UAP1: variants seen among roughly 807,000 people sequenced by gnomAD.
The protein encoded by UAP1 is UDP-N-acetylhexosamine pyrophosphorylase.
UAP1 carries 25 observed loss-of-function variants against 58.5 expected under a neutral mutation model. The observed-to-expected ratio is 0.43, with a 90% CI of 0.31 to 0.60. The LOEUF (loss-of-function observed/expected upper bound fraction) is 0.60. Among genes scored for constraint, UAP1 ranks in the 20% least tolerant of loss-of-function variants. The pLI is 0.11. For missense variants in UAP1, 575 were observed against 630.0 expected (o/e 0.91, Z 0.93); for synonymous variants, 208 against 213.0 (o/e 0.98, Z 0.21).
intron 6 of UAP1, among the ~76,000 whole-genome samples, chr1:162,588,257 C>T (rs1487773578): frequency 6.6e-6 from 1 of 152,156 alleles, no homozygotes; most frequent in Non-Finnish European, 1.5e-5. Context: ...CTATCGATTT[C>T]ACTTAGCTTT....
In UAP1 at chr1:162,567,623, C is replaced by T. The variant is rs531424093; in HGVS notation, c.280+1275C>T. 7.9e-5 allele frequency among the ~76,000 whole-genome samples: 12 copies of T among 152,242 alleles called. No individual in the cohort carries two copies. The South Asian group carries it at 2.3e-3, about 29-fold the overall frequency. ...GTACGTGATCCTTGTCAAATCTGGGCCTCATTTTCTCAACTGTGAATGAGA... is the reference window on the plus strand; with the variant it reads ...GTACGTGATCCTTGTCAAATCTGGGTCTCATTTTCTCAACTGTGAATGAGA... On this transcript the variant is annotated intron_variant, in intron 2 of 10. Coordinates refer to ENST00000271469, the Ensembl canonical transcript of UAP1.
intron 2 of UAP1, among the ~76,000 whole-genome samples, chr1:162,576,256 G>A (rs1204200782): frequency 6.6e-6 from 1 of 152,090 alleles, no homozygotes; most frequent in African/African-American, 2.4e-5. Flanking sequence ...ATTTGATAGT[G>A]TCATCATTCA....
intron 5 of UAP1, among the ~76,000 whole-genome samples, chr1:162,582,218 G>A (rs1188931242): frequency 1.3e-5 from 2 of 152,122 alleles, no homozygotes; most frequent in African/African-American, 4.8e-5. Context: ...TGTAATAAAA[G>A]CCCAGTCAAA....
chr1:162,599,991 T>A (rs1405518484), downstream of UAP1: 1 of 152,220 alleles, frequency 6.6e-6, no homozygotes, highest in Non-Finnish European at 1.5e-5. Context: ...CTTTATCTTC[T>A]TATCACTTTA....
intron 4 of UAP1, 39 bp from the exon 5 acceptor site, chr1:162,581,248 G>C (rs1654567596): frequency 6.4e-7 from 1 of 1,564,842 alleles, no homozygotes. Context: ...CTTTATGATG[G>C]ATTTTGATAT....
chr1:162,592,846 G>T, intron 9 of UAP1, 64 bp downstream of exon 9: 1 of 1,420,234 alleles, frequency 7.0e-7, no homozygotes, highest in Non-Finnish European at 9.7e-7. Flanking sequence ...ATACTAACTG[G>T]CATCGTAGTT....
intron 2 of UAP1, among the ~76,000 whole-genome samples, chr1:162,571,070 A>C (rs1653829338): frequency 6.6e-6 from 1 of 151,222 alleles, no homozygotes; most frequent in Non-Finnish European, 1.5e-5. Flanking sequence ...CTCCAGCCCT[A>C]GAAATGTGTC....
At chr1:162,588,316 A>G (rs1430984906) in intron 6 of UAP1, among the ~76,000 whole-genome samples, 1 of 152,216 alleles carries the variant, frequency 6.6e-6, no homozygotes, top group Non-Finnish European at 1.5e-5. Flanking sequence ...AATATGCATT[A>G]CTTTAGAATA....
intron 1 of UAP1, among the ~76,000 whole-genome samples, chr1:162,564,613 G>C (rs1040568303): frequency 6.6e-6 from 1 of 151,972 alleles, no homozygotes; most frequent in Non-Finnish European, 1.5e-5. Flanking sequence ...CCTGCTTCTA[G>C]TTGTCCCTCC....
chr1:162,584,432 G>A (rs1214851956), intron 5 of UAP1, among the ~76,000 whole-genome samples: 2 of 152,118 alleles, frequency 1.3e-5, no homozygotes, highest in African/African-American at 4.8e-5. Flanking sequence ...CCTAAGTTAG[G>A]GGATGATTCA....
chr1:162,567,148 C>G lies in UAP1; in HGVS notation c.280+800C>G, dbSNP rs559245295. On this transcript the variant is annotated intron_variant, in intron 2 of 10. Transcript: ENST00000271469. ...CTTGCAGTTGTGCAGTGCAGTAGTT[C>G]TGCCAGTTGGGGAACTTACACTCAT... Among the ~76,000 whole-genome samples, 6 of 152,298 alleles carry G rather than the reference C, an allele frequency of 3.9e-5. No homozygotes were observed. In the South Asian group the frequency reaches 1.2e-3, roughly 32 times the overall value.
chr1:162,578,868 T>C (rs1405959616), intron 3 of UAP1, among the ~76,000 whole-genome samples: 1 of 152,216 alleles, frequency 6.6e-6, no homozygotes, highest in Non-Finnish European at 1.5e-5. Context: ...TACATTCTAG[T>C]AAGGGCAAAA....
rs770815365 is a variant in UAP1, at chr1:162,599,322, G to A, written c.1528G>A (p.Asp510Asn). ...AGAATTCCATGCACCTCTAATCATC[G>A]ATGAGAATGGAGTTCATGAGCTGGT... is the stretch of plus-strand genomic sequence containing the variant. Residue 510 changes from aspartate (D) to asparagine (N), a missense_variant, in exon 11 of 11, where the codon GAT (aspartate) becomes AAT (asparagine). Physicochemically the swap from Asp to Asn is conservative, Grantham distance 23 (BLOSUM62 1). Coordinates refer to ENST00000271469, the Ensembl canonical transcript of UAP1. 5.6e-6 allele frequency: 9 copies of A among 1,612,122 alleles called. No homozygotes were observed. Among genetic ancestry groups the A allele is most frequent in the African/African-American group, 2.7e-5 (2 of 74,838 alleles).
Position 162,581,219 on chromosome 1 carries a change from G to GAAACAC in UAP1, c.662-63_662-62insCAAACA. On this transcript the variant is annotated intron_variant, in intron 4 of 10. Coordinates refer to ENST00000271469, the Ensembl canonical transcript of UAP1. ...TTTTAGGGATCTTAACCCTAGTTTG[G>GAAACAC]AAACAATCTTTGTGTTACCTTTATG... 3.4e-6 allele frequency: 5 copies of GAAACAC among 1,488,624 alleles called. No individual in the cohort carries two copies. In the South Asian group the frequency reaches 7.1e-5, roughly 21 times the overall value. 92.2% of individuals were successfully genotyped at this position (1,488,624 alleles called of 1,614,324 possible). A position where few individuals can be genotyped will look rare whatever the true frequency, so the allele number is the denominator to read the frequency against.
chr1:162,570,167 C>G (rs1293578459), intron 2 of UAP1, among the ~76,000 whole-genome samples: 5 of 150,692 alleles, frequency 3.3e-5, no homozygotes, highest in Non-Finnish European at 5.9e-5. Context: ...AAAAAAAATA[C>G]TTATTTTAGA....
At chr1:162,562,769 C>A (rs553981479) in intron 1 of UAP1, among the ~76,000 whole-genome samples, 1 of 152,200 alleles carries the variant, frequency 6.6e-6, no homozygotes, top group South Asian at 2.1e-4. Flanking sequence ...GGCTGTGCTG[C>A]CAAGCATTTA....
chr1:162,570,811 A>G (rs1241223897), intron 2 of UAP1, among the ~76,000 whole-genome samples: 2 of 152,052 alleles, frequency 1.3e-5, no homozygotes, highest in African/African-American at 4.8e-5. Context: ...TGTTTACCCA[A>G]CTCCACTCAT....
chr1:162,598,501 A>T (rs1387277871), intron 10 of UAP1, among the ~76,000 whole-genome samples: 1 of 152,220 alleles, frequency 6.6e-6, no homozygotes, highest in African/African-American at 2.4e-5. Flanking sequence ...GCTTTTGAAA[A>T]ATATATAATC....
chr1:162,578,680 T>C (rs1228056410), intron 3 of UAP1, among the ~76,000 whole-genome samples: 4 of 152,194 alleles, frequency 2.6e-5, no homozygotes, highest in African/African-American at 2.4e-5. Flanking sequence ...ATCCAAACCT[T>C]TTGTACCTAA....
Sources: gnomAD v4.1 joint callset for allele counts (sites outside exome capture counted in the v4.1 genomes callset) on GRCh38, gnomAD v4.1.1 for gene constraint, MANE v1.5 for transcripts, NCBI Gene and HGNC (gene_info 2026-07-23, HGNC 2026-07-21) for gene names.